The following TMEM232 variants were observed in gnomAD, a reference collection of about 807,000 sequenced individuals.
TMEM232 encodes the protein transmembrane protein 232.
TMEM232 carries 80 observed loss-of-function variants against 78.8 expected under a neutral mutation model. That is an observed-to-expected ratio of 1.01 (90% CI 0.85 to 1.22). TMEM232 has a LOEUF of 1.22. TMEM232 is among the 50% of genes most tolerant of loss of function. The probability of loss-of-function intolerance (pLI) is 0.00; values close to 1 mark genes in which losing one functional copy is unlikely to be tolerated. For synonymous variants in TMEM232, 297 were observed against 254.3 expected, an observed-to-expected ratio of 1.17 and a Z score of -1.60; for missense variants, 881 against 742.2, an observed-to-expected ratio of 1.19 and a Z score of -2.17.
chr5:110,509,505 A>T (rs1767448587), intron 12 of TMEM232, among the ~76,000 whole-genome samples: 1 of 152,146 alleles, frequency 6.6e-6, no homozygotes, highest in South Asian at 2.1e-4. Flanking sequence ...CAGAAAAGCC[A>T]TTAAATTTTG....
chr5:110,431,534 C>A (rs879346143), intron 12 of TMEM232, among the ~76,000 whole-genome samples: 1 of 151,474 alleles, frequency 6.6e-6, no homozygotes, highest in Non-Finnish European at 1.5e-5. Flanking sequence ...TACAAAAAAT[C>A]CAGAATTCAA....
At chr5:110,671,998 A>T (rs1428447071) in intron 1 of TMEM232, among the ~76,000 whole-genome samples, 1 of 152,204 alleles carries the variant, frequency 6.6e-6, no homozygotes, top group African/African-American at 2.4e-5. Context: ...AAAGCATTTA[A>T]TGCCAAATGG....
intron 12 of TMEM232, among the ~76,000 whole-genome samples, chr5:110,442,465 T>G (rs953400372): frequency 6.6e-6 from 1 of 152,026 alleles, no homozygotes. Flanking sequence ...CTCTGCTTGA[T>G]TTAAAAAAAT....
chr5:110,643,166 A>C (rs1786988848), intron 2 of TMEM232, among the ~76,000 whole-genome samples: 1 of 152,078 alleles, frequency 6.6e-6, no homozygotes, highest in Admixed American at 6.6e-5. Context: ...CAACTGAGGA[A>C]CTAGAAGGAC....
intron 1 of TMEM232, among the ~76,000 whole-genome samples, chr5:110,676,408 T>G (rs1326053784): frequency 1.3e-5 from 2 of 152,012 alleles, no homozygotes; most frequent in Non-Finnish European, 2.9e-5. Context: ...TTTCTTTTTT[T>G]TTTTTTAGAC....
At chr5:110,714,149 T>C (rs919115617) in intron 1 of TMEM232, among the ~76,000 whole-genome samples, 6 of 152,192 alleles carry the variant, frequency 3.9e-5, no homozygotes, top group African/African-American at 1.4e-4. Flanking sequence ...ATCTTGTCTG[T>C]TAACTGAGAG....
intron 1 of TMEM232, among the ~76,000 whole-genome samples, chr5:110,694,486 T>A (rs1191081250): frequency 2.6e-5 from 4 of 152,076 alleles, no homozygotes; most frequent in African/African-American, 9.7e-5. Flanking sequence ...GGCTAAATGC[T>A]ACAATTAAAA....
intron 12 of TMEM232, among the ~76,000 whole-genome samples, chr5:110,446,176 G>T (rs963922831): frequency 2.6e-5 from 4 of 152,098 alleles, no homozygotes; most frequent in African/African-American, 9.7e-5. Context: ...TGTGTCACTG[G>T]CCTCTGACCT....
intron 12 of TMEM232, among the ~76,000 whole-genome samples, chr5:110,447,963 TGAA>T (rs1759848518): frequency 6.6e-6 from 1 of 152,046 alleles, no homozygotes; most frequent in Non-Finnish European, 1.5e-5. Flanking sequence ...AAATTGTCAT[TGAA>T]GAAGTATTCA....
chr5:110,455,535 G>A (rs1014131196), intron 12 of TMEM232, among the ~76,000 whole-genome samples: 3 of 151,534 alleles, frequency 2.0e-5, no homozygotes, highest in East Asian at 3.9e-4. Context: ...CCGCCACCAC[G>A]CCCGGCTAAT....
intron 10 of TMEM232, among the ~76,000 whole-genome samples, chr5:110,592,805 T>C (rs760906501): frequency 2.6e-5 from 4 of 152,178 alleles, no homozygotes; most frequent in East Asian, 1.9e-4. Context: ...ATTTTAAAGA[T>C]TGAAATGCTG....
At chr5:110,550,589 ATAT>A (rs1447833342) in intron 11 of TMEM232, among the ~76,000 whole-genome samples, 3 of 151,934 alleles carry the variant, frequency 2.0e-5, no homozygotes, top group Non-Finnish European at 4.4e-5. Context: ...CAAATTCTAT[ATAT>A]GCATATATTT....
intron 5 of TMEM232, among the ~76,000 whole-genome samples, chr5:110,631,322 C>T (rs986622882): frequency 6.6e-6 from 1 of 152,156 alleles, no homozygotes; most frequent in Non-Finnish European, 1.5e-5. Context: ...ACTGCCTCAG[C>T]AGTAGCACAA....
intron 11 of TMEM232, among the ~76,000 whole-genome samples, chr5:110,556,650 G>C (rs377716493): frequency 5.3e-5 from 8 of 152,082 alleles, no homozygotes; most frequent in African/African-American, 1.9e-4. Context: ...GCCTCCCACA[G>C]TGCTGGGATT....
At chr5:110,460,487 C>T (rs1474839567) in intron 12 of TMEM232, among the ~76,000 whole-genome samples, 1 of 151,982 alleles carries the variant, frequency 6.6e-6, no homozygotes, top group East Asian at 1.9e-4. Context: ...CATTAAGATG[C>T]TAAACATTTA....
chr5:110,642,541 A>T (rs1345683), intron 2 of TMEM232, among the ~76,000 whole-genome samples, 170 bp from the exon 3 acceptor site: 28,169 of 152,056 alleles, frequency 0.19, 3,584 homozygotes, highest in East Asian at 0.43. Flanking sequence ...AGCCTCCTGG[A>T]CTGATCCTGT....
intron 12 of TMEM232, among the ~76,000 whole-genome samples, chr5:110,484,572 C>T (rs931632950): frequency 5.3e-5 from 8 of 151,818 alleles, no homozygotes; most frequent in Non-Finnish European, 1.2e-4. Context: ...ATGCTATTAA[C>T]GAGACACACT....
intron 1 of TMEM232, among the ~76,000 whole-genome samples, chr5:110,719,232 T>C (rs1797339794): frequency 6.6e-6 from 1 of 151,908 alleles, no homozygotes; most frequent in Non-Finnish European, 1.5e-5. Context: ...TATGTGTATA[T>C]ATACACACAC....
chr5:110,614,991 T>C (rs987754092), intron 8 of TMEM232, among the ~76,000 whole-genome samples: 3 of 151,990 alleles, frequency 2.0e-5, no homozygotes, highest in African/African-American at 7.2e-5. Context: ...TAAATACTAT[T>C]CTTTATTTTT....
Sources: gnomAD v4.1 joint callset for allele counts (sites outside exome capture counted in the v4.1 genomes callset) on GRCh38, gnomAD v4.1.1 for gene constraint, MANE v1.5 for transcripts, NCBI Gene and HGNC (gene_info 2026-07-23, HGNC 2026-07-21) for gene names.